Variants in FREM3 observed in about 807,000 individuals in gnomAD.
FREM3 encodes the protein FRAS1-related extracellular matrix protein 3.
In FREM3, 105 loss-of-function variants were observed where a neutral mutation model predicts 129.1. That is an observed-to-expected ratio of 0.81 (90% CI 0.69 to 0.96). The LOEUF (loss-of-function observed/expected upper bound fraction) is 0.96, where lower values mean the gene tolerates loss of function less well. Among genes scored for constraint, FREM3 ranks in the 40% least tolerant of loss-of-function variants. The probability of loss-of-function intolerance (pLI) is 0.00; values close to 1 mark genes in which losing one functional copy is unlikely to be tolerated. For synonymous variants in FREM3, 1,014 were observed against 1,044.9 expected (o/e 0.97, Z 0.57); for missense variants, 2,593 against 2,666.3 (o/e 0.97, Z 0.61).
Position 143,611,362 on chromosome 4 carries a change from A to ACG in FREM3, c.5943_5944dup (p.Val1982AlafsTer21). On this transcript the variant is annotated frameshift_variant, in exon 6 of 8. Transcript: ENST00000329798. LOFTEE classifies it high-confidence loss of function. ...TCCTCCCACTGGCAGCCTAAGTGAA[A>ACG]CGCTGAAGGATTCCTCCTCTTCATA... 4 of 1,537,166 alleles carry ACG rather than the reference A, an allele frequency of 2.6e-6. No homozygotes were observed. In the South Asian group the frequency reaches 4.8e-5, roughly 18 times the overall value.
chr4:143,669,624 T>C (rs532630624), intron 2 of FREM3, among the ~76,000 whole-genome samples: 2 of 149,762 alleles, frequency 1.3e-5, no homozygotes, highest in Non-Finnish European at 3.0e-5. Flanking sequence ...TATGTAACAC[T>C]AATACATGTA....
At chr4:143,674,108 C>T (rs1162194047) in intron 2 of FREM3, among the ~76,000 whole-genome samples, 1 of 152,158 alleles carries the variant, frequency 6.6e-6, no homozygotes. Context: ...CCAGCACCCA[C>T]TGTCCAACAA....
chr4:143,597,288 C>T (rs1738500245), intron 6 of FREM3, among the ~76,000 whole-genome samples: 1 of 152,142 alleles, frequency 6.6e-6, no homozygotes, highest in African/African-American at 2.4e-5. Flanking sequence ...CAGAAAGATA[C>T]ATGTAAGCCA....
chr4:143,580,514 G>A (rs1738112014), intron 7 of FREM3, among the ~76,000 whole-genome samples: 1 of 152,190 alleles, frequency 6.6e-6, no homozygotes, highest in South Asian at 2.1e-4. Flanking sequence ...AGTCCCAGGG[G>A]CTTTGGACCC....
At chr4:143,665,481 A>G (rs1342802686) in intron 2 of FREM3, among the ~76,000 whole-genome samples, 9 of 152,118 alleles carry the variant, frequency 5.9e-5, no homozygotes, top group Non-Finnish European at 1.0e-4. Flanking sequence ...ATTATAAAAT[A>G]ATGCTACAGT....
intron 2 of FREM3, among the ~76,000 whole-genome samples, chr4:143,629,029 A>G (rs1032593): frequency 0.97 from 147,330 of 152,136 alleles, 71,525 homozygotes; most frequent in East Asian, 1. Flanking sequence ...GCTGGGAGCC[A>G]ACCACCAGAT....
intron 6 of FREM3, among the ~76,000 whole-genome samples, chr4:143,609,694 AT>A (rs35699507): frequency 0.33 from 50,671 of 151,878 alleles, 9,764 homozygotes; most frequent in South Asian, 0.44. Flanking sequence ...CCATGTCATC[AT>A]TTTTTTGTCT....
chr4:143,700,563 G>T lies in FREM3; in HGVS notation c.113C>A (p.Thr38Asn). The T allele has an allele frequency of 6.6e-7, 1 of 1,511,238 alleles. No homozygotes were observed. 93.6% of individuals were successfully genotyped at this position (1,511,238 alleles called of 1,614,324 possible). A position where few individuals can be genotyped will look rare whatever the true frequency, so the allele number is the denominator to read the frequency against. The stretch of plus-strand genomic sequence containing the variant: ...CAGGTAAAGCGCCGGGTCGGGCTCG[G>T]TCCCAAGTGAGGATGCCCGTCCCTG... The part of the protein sequence containing the change: ...ALQGRASSLG[T>N]EPDPALYLPA... The change falls in exon 1 of 8, where the codon ACC (threonine) becomes AAC (asparagine). Residue 38 changes from threonine to asparagine, a missense_variant. Thr to Asn is a moderately conservative substitution (Grantham distance 65). Transcript: ENST00000329798.
At chr4:143,640,263 C>T (rs566513361) in intron 2 of FREM3, among the ~76,000 whole-genome samples, 1 of 152,292 alleles carries the variant, frequency 6.6e-6, no homozygotes, top group South Asian at 2.1e-4. Flanking sequence ...GTCCCTAGCA[C>T]ACAAGCACAG....
At chr4:143,663,788 T>C (rs1739790294) in intron 2 of FREM3, among the ~76,000 whole-genome samples, 1 of 152,114 alleles carries the variant, frequency 6.6e-6, no homozygotes, top group Admixed American at 6.6e-5. Flanking sequence ...TCATTTCTTT[T>C]CATTCTTTTT....
intron 2 of FREM3, among the ~76,000 whole-genome samples, chr4:143,641,975 C>A (rs1002399838): frequency 2.6e-5 from 4 of 152,014 alleles, no homozygotes; most frequent in African/African-American, 7.2e-5. Context: ...TTAAAGATGG[C>A]AGAATAATCA....
intron 6 of FREM3, among the ~76,000 whole-genome samples, chr4:143,606,841 A>ACTTAGGTAATACTATT: frequency 6.6e-6 from 1 of 152,262 alleles, no homozygotes; most frequent in East Asian, 1.9e-4. Context: ...CATACAAACA[A>ACTTAGGTAATACTATT]CTTAGGTAAT....
At position 143,609,480 on chromosome 4, in the gene FREM3, T is replaced by TA. The variant is rs34325536; in HGVS notation, c.6028+1798dup. On this transcript the variant is annotated intron_variant, in intron 6 of 7. Coordinates refer to ENST00000329798, the MANE Select transcript of FREM3 (RefSeq NM_001168235.2). ...TGTGAAGTGGACTATGTAGAAAATG[T>TA]AAAAAAAAAGTCTCCACTTCCGTAA... Among the ~76,000 whole-genome samples, 27 of 151,420 alleles carry TA rather than the reference T, an allele frequency of 1.8e-4. No individual in the cohort carries two copies. In the East Asian group the frequency reaches 4.7e-3, roughly 26 times the overall value.
chr4:143,698,138 G>T lies in FREM3; in HGVS notation c.2538C>A (p.Asn846Lys), dbSNP rs565652167. 2.0e-6 allele frequency: 3 copies of T among 1,537,364 alleles called. No individual in the cohort carries two copies. Among genetic ancestry groups the T allele is most frequent in the Non-Finnish European group, 2.6e-6 (3 of 1,146,968 alleles). Residue 846 changes from asparagine to lysine, a missense_variant, in exon 1 of 8, where the codon AAC becomes AAA. Transcript: ENST00000329798. The stretch of plus-strand genomic sequence containing the variant: ...TAACATGCAGCTCATTACTGCTGAG[G>T]TTAAAGCTGCCTCCCTCTAAGATAG... ...GFAILEGGSF[N>K]LSSNELHVTD...
intron 2 of FREM3, among the ~76,000 whole-genome samples, chr4:143,650,379 T>C (rs935251294): frequency 6.6e-6 from 1 of 152,226 alleles, no homozygotes; most frequent in African/African-American, 2.4e-5. Context: ...CAGCCATATC[T>C]TATAAATGAC....
chr4:143,675,161 A>G (rs1366962578), intron 2 of FREM3, among the ~76,000 whole-genome samples: 9 of 152,124 alleles, frequency 5.9e-5, no homozygotes, highest in East Asian at 1.9e-4. Context: ...CTCAGCAAAT[A>G]TAAAAGAACA....
intron 5 of FREM3, among the ~76,000 whole-genome samples, chr4:143,618,432 C>T (rs1345998875): frequency 6.6e-6 from 1 of 151,872 alleles, no homozygotes; most frequent in African/African-American, 2.4e-5. Flanking sequence ...AAATAGGATA[C>T]AACAGGGTCG....
intron 6 of FREM3, among the ~76,000 whole-genome samples, chr4:143,589,237 T>C (rs1443704876): frequency 6.6e-6 from 1 of 152,222 alleles, no homozygotes; most frequent in African/African-American, 2.4e-5. Context: ...AGAAGTTCTT[T>C]AGTTTAATTA....
intron 2 of FREM3, among the ~76,000 whole-genome samples, chr4:143,660,663 A>G (rs927546160): frequency 6.6e-6 from 1 of 152,098 alleles, no homozygotes; most frequent in African/African-American, 2.4e-5. Context: ...GAATCTATAA[A>G]TTACCTTGGG....
Sources: allele counts gnomAD v4.1 joint callset (sites outside exome capture counted in the v4.1 genomes callset), GRCh38; gene constraint gnomAD v4.1.1; transcripts MANE v1.5; gene names NCBI Gene and HGNC (gene_info 2026-07-23, HGNC 2026-07-21).